The following FNBP1L variants were observed in gnomAD, a reference collection of about 807,000 sequenced individuals.
FNBP1L encodes the protein formin-binding protein 1-like.
Under a neutral mutation model 91.2 loss-of-function variants are expected in FNBP1L, and 36 were observed. The observed-to-expected ratio is 0.39, with a 90% CI of 0.30 to 0.52. The LOEUF (loss-of-function observed/expected upper bound fraction) is 0.52, where lower values mean the gene tolerates loss of function less well. FNBP1L is among the 20% of genes least tolerant of loss of function. The pLI, the probability that FNBP1L is intolerant of heterozygous loss-of-function variation, is 0.66. For missense variants in FNBP1L, 571 were observed against 732.1 expected, an observed-to-expected ratio of 0.78 and a Z score of 2.54; for synonymous variants, 242 against 237.0, an observed-to-expected ratio of 1.02 and a Z score of -0.19.
intron 16 of FNBP1L, chr1:93,551,410 A>G (rs12133060): frequency 0.01 from 10,282 of 1,024,462 alleles, 55 homozygotes; most frequent in Non-Finnish European, 0.011. Context: ...TACAAATAGA[A>G]TTTGATTTAT....
At chr1:93,485,610 G>A (rs1005570402) in intron 1 of FNBP1L, among the ~76,000 whole-genome samples, 1 of 152,118 alleles carries the variant, frequency 6.6e-6, no homozygotes, top group African/African-American at 2.4e-5. Context: ...CACATCCCTA[G>A]TGCCAAGCTC....
intron 1 of FNBP1L, among the ~76,000 whole-genome samples, chr1:93,478,226 C>T (rs1309819069): frequency 3.9e-5 from 6 of 152,034 alleles, no homozygotes; most frequent in Admixed American, 6.6e-5. Context: ...TTGGAAGCTG[C>T]GATGGTCTAG....
intron 12 of FNBP1L, among the ~76,000 whole-genome samples, chr1:93,545,527 A>G (rs1672193592): frequency 6.6e-6 from 1 of 152,196 alleles, no homozygotes; most frequent in Admixed American, 6.5e-5. Context: ...TTGAGGATGA[A>G]GAAGTATAGG....
chr1:93,541,532 T>C (rs1209387887), intron 11 of FNBP1L, among the ~76,000 whole-genome samples: 1 of 151,088 alleles, frequency 6.6e-6, no homozygotes, highest in African/African-American at 2.4e-5. Context: ...TTCTGTGCTA[T>C]TGAAGGAGAA....
chr1:93,480,657 C>G (rs1372139844), intron 1 of FNBP1L, among the ~76,000 whole-genome samples: 1 of 151,720 alleles, frequency 6.6e-6, no homozygotes, highest in Non-Finnish European at 1.5e-5. Flanking sequence ...ACAATCTTGG[C>G]TCACTGCAAG....
chr1:93,551,779 A>T (rs1672423765), intron 16 of FNBP1L: 1 of 985,332 alleles, frequency 1.0e-6, no homozygotes, highest in African/African-American at 1.7e-5. Context: ...TTTGTTTGAG[A>T]CCTCAAAATA....
intron 2 of FNBP1L, among the ~76,000 whole-genome samples, chr1:93,509,734 G>T (rs1670754875): frequency 6.6e-6 from 1 of 152,224 alleles, no homozygotes; most frequent in South Asian, 2.1e-4. Flanking sequence ...CAGACAGTGG[G>T]CGCAGGTCAG....
intron 2 of FNBP1L, among the ~76,000 whole-genome samples, chr1:93,519,597 T>G (rs1371923069): frequency 6.6e-6 from 1 of 152,206 alleles, no homozygotes; most frequent in Non-Finnish European, 1.5e-5. Context: ...TTTGAGCATA[T>G]GACTGCACAG....
chr1:93,511,783 G>C (rs1240664900), intron 2 of FNBP1L, among the ~76,000 whole-genome samples: 2 of 150,814 alleles, frequency 1.3e-5, no homozygotes, highest in Admixed American at 6.6e-5. Flanking sequence ...CGGCTAAAAC[G>C]GTGAAACCCC....
intron 1 of FNBP1L, among the ~76,000 whole-genome samples, chr1:93,467,150 C>A (rs1385129753): frequency 6.6e-6 from 1 of 152,208 alleles, no homozygotes; most frequent in African/African-American, 2.4e-5. Context: ...AGCTACCGCG[C>A]CTAGCCAAAA....
intron 2 of FNBP1L, among the ~76,000 whole-genome samples, chr1:93,505,263 A>T (rs1225539063): frequency 1.3e-5 from 2 of 152,104 alleles, no homozygotes; most frequent in African/African-American, 4.8e-5. Flanking sequence ...GCACTTGAAC[A>T]TAAATTTATT....
rs1197931803 is a variant in FNBP1L at position 93,474,258 on chromosome 1, A to G, written c.25-25210A>G. On this transcript the variant is annotated intron_variant, in intron 1 of 16. Transcript: ENST00000271234. ...ACTCCGTCTCAAAAAAAACAAAAAC[A>G]AAAACTTTGACTTCACTTCCATCCT... 1.3e-4 allele frequency among the ~76,000 whole-genome samples: 18 copies of G among 143,922 alleles called. No homozygotes were observed. In the Admixed American group the frequency reaches 1.3e-3, roughly 10 times the overall value. The allele number at this position is 143,922 out of a possible 152,430, so 94.4% of individuals were successfully genotyped here.
At chr1:93,523,250 TA>T in intron 3 of FNBP1L, 93 bp from the exon 4 acceptor site, 2 of 1,312,884 alleles carry the variant, frequency 1.5e-6, no homozygotes, top group Non-Finnish European at 2.0e-6. Context: ...TTGAATATGC[TA>T]AAATTTGCGA....
chr1:93,516,877 C>G (rs889328588), intron 2 of FNBP1L, among the ~76,000 whole-genome samples: 1 of 152,232 alleles, frequency 6.6e-6, no homozygotes, highest in South Asian at 2.1e-4. Flanking sequence ...GAGACTGTGC[C>G]TGTCATAACC....
At chr1:93,510,356 C>T (rs1163465574) in intron 2 of FNBP1L, among the ~76,000 whole-genome samples, 2 of 151,582 alleles carry the variant, frequency 1.3e-5, no homozygotes, top group Non-Finnish European at 3.0e-5. Context: ...AGACTGACAC[C>T]TCACACGGCT....
chr1:93,485,447 C>G (rs562262844), intron 1 of FNBP1L, among the ~76,000 whole-genome samples: 1 of 152,136 alleles, frequency 6.6e-6, no homozygotes, highest in Admixed American at 6.5e-5. Flanking sequence ...AGACATAAAA[C>G]CTATGTATTG....
At position 93,448,139 on chromosome 1, in the gene FNBP1L, TGG is replaced by T; in HGVS notation, c.-140_-139del. ...CTCCAGTCGCGTCTTTCTCACTCAC[TGG>T]GGAGCCCGGCGGTGGCGGCACCTTT... On this transcript the variant is annotated 5_prime_UTR_variant, in exon 1 of 17. Coordinates refer to ENST00000271234, the MANE Select transcript of FNBP1L (RefSeq NM_001164473.3). The T allele has an allele frequency of 9.4e-7, 1 of 1,059,254 alleles. No individual in the cohort carries two copies. Among genetic ancestry groups the T allele is most frequent in the Non-Finnish European group, 1.3e-6 (1 of 745,286 alleles). The allele number at this position is 1,059,254 out of a possible 1,614,324, so 65.6% of individuals were successfully genotyped here. A position where few individuals can be genotyped will look rare whatever the true frequency, so the allele number is the denominator to read the frequency against.
intron 1 of FNBP1L, among the ~76,000 whole-genome samples, chr1:93,493,588 T>C (rs1029532171): frequency 1.3e-5 from 2 of 152,190 alleles, no homozygotes; most frequent in East Asian, 1.9e-4. Flanking sequence ...TTGACTATTG[T>C]AAGTACCTCG....
chr1:93,448,314 G>C lies in FNBP1L; in HGVS notation c.24+9G>C, dbSNP rs549494060. 1 of 1,508,622 alleles carries C rather than the reference G, an allele frequency of 6.6e-7. No individual in the cohort carries two copies. 93.5% of individuals were successfully genotyped at this position (1,508,622 alleles called of 1,614,324 possible). A position where few individuals can be genotyped will look rare whatever the true frequency, so the allele number is the denominator to read the frequency against. On this transcript the variant is annotated intron_variant, in intron 1 of 16. Coordinates refer to ENST00000271234, the MANE Select transcript of FNBP1L (RefSeq NM_001164473.3). ...GGGGCACGGAGCTGTGGGTGAGTCG[G>C]GGAGAGGGGCGCCCCGCACGGACCC...
Sources: gnomAD v4.1 joint callset for allele counts (sites outside exome capture counted in the v4.1 genomes callset) on GRCh38, gnomAD v4.1.1 for gene constraint, MANE v1.5 for transcripts, NCBI Gene and HGNC (gene_info 2026-07-23, HGNC 2026-07-21) for gene names.